Variants in GALNTL6 observed in about 807,000 individuals in gnomAD.
GALNTL6 encodes the protein polypeptide N-acetylgalactosaminyltransferase like 6.
GALNTL6 carries 46 observed loss-of-function variants against 73.7 expected under a neutral mutation model. The ratio of observed to expected loss-of-function variants is 0.62; its 90% CI spans 0.49 to 0.80. The LOEUF (loss-of-function observed/expected upper bound fraction) is 0.80. Among genes scored for constraint, GALNTL6 ranks in the 30% least tolerant of loss-of-function variants. GALNTL6 has a pLI of 0.00. For synonymous variants in GALNTL6, 259 were observed against 263.7 expected (o/e 0.98, Z 0.17); for missense variants, 604 against 755.0 (o/e 0.80, Z 2.34).
At chr4:172,309,391 AT>A (rs1740269796) in intron 3 of GALNTL6, among the ~76,000 whole-genome samples, 1 of 145,714 alleles carries the variant, frequency 6.9e-6, no homozygotes, top group African/African-American at 2.5e-5. Context: ...AGTGAAAAAT[AT>A]AAAAATCTCT....
chr4:171,930,476 C>T (rs1000867315), intron 2 of GALNTL6, among the ~76,000 whole-genome samples: 4 of 152,122 alleles, frequency 2.6e-5, no homozygotes, highest in African/African-American at 7.2e-5. Flanking sequence ...CAATAAAAGC[C>T]ATATATGGCA....
chr4:172,395,578 AAAAT>A (rs1422742461), intron 5 of GALNTL6, among the ~76,000 whole-genome samples: 25 of 152,278 alleles, frequency 1.6e-4, no homozygotes, highest in African/African-American at 5.8e-4. Context: ...TTCCTAAAAT[AAAAT>A]ATATTCTGAG....
intron 10 of GALNTL6, among the ~76,000 whole-genome samples, chr4:172,987,339 A>G (rs950823920): frequency 6.6e-6 from 1 of 152,116 alleles, no homozygotes; most frequent in South Asian, 2.1e-4. Context: ...CAAAAGGGGG[A>G]AAAGCCTCTT....
At position 172,411,613 on chromosome 4, in the gene GALNTL6, G is replaced by GA. The variant is rs1235210013; in HGVS notation, c.553+62938dup. Among the ~76,000 whole-genome samples the GA allele has an allele frequency of 5.6e-3, 750 of 132,778 alleles. 4 individuals carry two copies. The highest frequency in any genetic ancestry group is 8.7e-3 in the Non-Finnish European group (532 of 61,068). 87.1% of individuals were successfully genotyped at this position (132,778 alleles called of 152,430 possible). A position where few individuals can be genotyped will look rare whatever the true frequency, so the allele number is the denominator to read the frequency against. ...CCTTTTTCACCTCACTGGACATGTT[G>GA]AAAAAAAAAAAAAAGTACAGCACAC... is the stretch of plus-strand genomic sequence containing the variant. On this transcript the variant is annotated intron_variant, in intron 5 of 12. Coordinates refer to ENST00000506823, the MANE Select transcript of GALNTL6 (RefSeq NM_001034845.3).
chr4:172,046,470 T>C (rs762461519), intron 2 of GALNTL6, among the ~76,000 whole-genome samples: 2 of 152,146 alleles, frequency 1.3e-5, no homozygotes, highest in Non-Finnish European at 2.9e-5. Context: ...AGATCTGTAC[T>C]AGTTTACATT....
chr4:172,588,541 A>C (rs1373812543), intron 5 of GALNTL6, among the ~76,000 whole-genome samples: 2 of 142,886 alleles, frequency 1.4e-5, no homozygotes, highest in Admixed American at 1.4e-4. Context: ...TCAAAAAAAA[A>C]AAAAAGAAAA....
chr4:172,308,003 C>CTTTTTTTTTTTTT (rs70941399), intron 3 of GALNTL6, among the ~76,000 whole-genome samples: 9 of 34,586 alleles, frequency 2.6e-4, no homozygotes, highest in Admixed American at 6.2e-4. Flanking sequence ...TGTGTTTTAA[C>CTTTTTTTTTTTTT]TTTTTTTTTT....
At chr4:172,989,531 T>G (rs1751451267) in intron 10 of GALNTL6, among the ~76,000 whole-genome samples, 1 of 152,192 alleles carries the variant, frequency 6.6e-6, no homozygotes. Context: ...TAATCCCTAG[T>G]GTTGGAGTAG....
chr4:172,032,369 G>A (rs7658697), intron 2 of GALNTL6, among the ~76,000 whole-genome samples: 57,658 of 149,868 alleles, frequency 0.38, 11,073 homozygotes, highest in Middle Eastern at 0.48. Flanking sequence ...ATCATTAAAT[G>A]TTGTGTCAGA....
chr4:172,547,225 C>T (rs545363276), intron 5 of GALNTL6, among the ~76,000 whole-genome samples: 2 of 152,056 alleles, frequency 1.3e-5, no homozygotes, highest in Non-Finnish European at 2.9e-5. Flanking sequence ...GAAGGTGGGT[C>T]CCTGCCTATA....
At chr4:172,340,785 G>A (rs989081785) in intron 4 of GALNTL6, among the ~76,000 whole-genome samples, 1 of 152,156 alleles carries the variant, frequency 6.6e-6, no homozygotes, top group African/African-American at 2.4e-5. Flanking sequence ...ATAAGCATTA[G>A]TTTTTACCCT....
At position 172,357,901 on chromosome 4, in the gene GALNTL6, C is replaced by T. The variant is rs1742224392; in HGVS notation, c.553+9212C>T. The stretch of plus-strand genomic sequence containing the variant: ...TCTGCAAAATTATTAAGTCCATATC[C>T]AACTTAGTGGAGACACATTTTGAGT... On this transcript the variant is annotated intron_variant, in intron 5 of 12. Coordinates refer to ENST00000506823, the MANE Select transcript of GALNTL6 (RefSeq NM_001034845.3). 2.0e-5 allele frequency among the ~76,000 whole-genome samples: 3 copies of T among 152,158 alleles called. No individual in the cohort carries two copies. In the East Asian group the frequency reaches 5.8e-4, roughly 29 times the overall value.
chr4:172,646,409 A>G (rs1740245425), intron 5 of GALNTL6, among the ~76,000 whole-genome samples: 1 of 152,072 alleles, frequency 6.6e-6, no homozygotes. Flanking sequence ...GAATGTAGAC[A>G]ACTTCACAAC....
intron 10 of GALNTL6, among the ~76,000 whole-genome samples, chr4:172,992,622 G>A (rs1390511041): frequency 6.6e-6 from 1 of 152,158 alleles, no homozygotes; most frequent in Non-Finnish European, 1.5e-5. Context: ...AGATCTGGTA[G>A]AATCTGCTGC....
chr4:172,760,621 C>CG (rs1738027441), intron 5 of GALNTL6, among the ~76,000 whole-genome samples: 1 of 152,122 alleles, frequency 6.6e-6, no homozygotes, highest in Admixed American at 6.5e-5. Flanking sequence ...CCCTGGCCTG[C>CG]AACTTCCTAG....
intron 5 of GALNTL6, among the ~76,000 whole-genome samples, chr4:172,623,276 A>G (rs763987737): frequency 2.0e-5 from 3 of 152,178 alleles, no homozygotes; most frequent in Non-Finnish European, 4.4e-5. Context: ...AGAAACGTGA[A>G]TGCTCTGAAC....
At chr4:172,160,023 G>A (rs1282434932) in intron 2 of GALNTL6, among the ~76,000 whole-genome samples, 1 of 152,080 alleles carries the variant, frequency 6.6e-6, no homozygotes, top group Non-Finnish European at 1.5e-5. Context: ...GCAGCTGGAT[G>A]AGTAAAGATA....
intron 2 of GALNTL6, among the ~76,000 whole-genome samples, chr4:172,205,251 G>C (rs948824312): frequency 1.3e-5 from 2 of 152,106 alleles, no homozygotes; most frequent in Non-Finnish European, 2.9e-5. Context: ...AATAAAATCA[G>C]TTAAAAAGCA....
At chr4:172,357,228 A>G (rs994173840) in intron 5 of GALNTL6, among the ~76,000 whole-genome samples, 7 of 152,158 alleles carry the variant, frequency 4.6e-5, no homozygotes, top group African/African-American at 1.7e-4. Flanking sequence ...ACAGAGTTAA[A>G]TATGTTTTAT....
Sources: allele counts gnomAD v4.1 joint callset (sites outside exome capture counted in the v4.1 genomes callset), GRCh38; gene constraint gnomAD v4.1.1; transcripts MANE v1.5; gene names NCBI Gene and HGNC (gene_info 2026-07-23, HGNC 2026-07-21).